Variants in DGKQ observed in about 807,000 individuals in gnomAD.
DGKQ encodes DAG kinase theta.
A neutral mutation model predicts 104.2 loss-of-function variants in DGKQ; 97 were observed. The ratio of observed to expected loss-of-function variants is 0.93; its 90% CI spans 0.79 to 1.10. The LOEUF is 1.10. Among genes scored for constraint, DGKQ ranks in the 50% least tolerant of loss-of-function variants. The probability of loss-of-function intolerance (pLI) is 0.00; values close to 1 mark genes in which losing one functional copy is unlikely to be tolerated. For missense variants in DGKQ, 1,465 were observed against 1,352.1 expected (o/e 1.08, Z -1.31); for synonymous variants, 736 against 595.2 (o/e 1.24, Z -3.44).
chr4:959,650 CA>C lies in DGKQ; in HGVS notation c.*969del, dbSNP rs1445585293. The C allele has an allele frequency of 6.6e-6, 1 of 152,442 alleles. No individual in the cohort carries two copies. Among genetic ancestry groups the C allele is most frequent in the Non-Finnish European group, 1.5e-5 (1 of 68,174 alleles). 9.4% of individuals were successfully genotyped at this position (152,442 alleles called of 1,614,324 possible). A position where few individuals can be genotyped will look rare whatever the true frequency, so the allele number is the denominator to read the frequency against. ...GCTCACACAGGCACTGGGAACTGCA[CA>C]TCAACAGCGGGCAAGCAGCGTGGAA... On this transcript the variant is annotated 3_prime_UTR_variant, in exon 23 of 23. Transcript: ENST00000273814.
In DGKQ at chr4:971,078, G is replaced by A; in HGVS notation, c.272-6C>T. On this transcript the variant is annotated splice_polypyrimidine_tract_variant and splice_region_variant and intron_variant, in intron 1 of 22. Coordinates refer to ENST00000273814, the MANE Select transcript of DGKQ (RefSeq NM_001347.4). The surrounding 1 kb of genome is among the most constrained non-coding windows in gnomAD (Gnocchi z 4.0). ...ATGAGACATGAAATTGCAGACTGTG[G>A]GAATGAGCACTGTGTGAGTTGGCCC... 1 of 1,555,208 alleles carries A rather than the reference G, an allele frequency of 6.4e-7. No homozygotes were observed. The highest frequency in any genetic ancestry group is 1.2e-5 in the South Asian group (1 of 84,322).
At position 963,147 on chromosome 4, in the gene DGKQ, AGG is replaced by A. The variant is rs1712018100; in HGVS notation, c.1876_1877del (p.Pro626SerfsTer55). 1 of 1,596,932 alleles carries A rather than the reference AGG, an allele frequency of 6.3e-7. No individual in the cohort carries two copies. Among genetic ancestry groups the A allele is most frequent in the Non-Finnish European group, 8.6e-7 (1 of 1,167,448 alleles). The part of the protein sequence containing the change: ...HQVFDLTNGG[P>X]LPGLHLFSQV... ...GGTCCTGCTGGACTCACCCGGGAAG[AGG>A]ACCTCCGTTGGTCAGGTCGAAGACC... On this transcript the variant is annotated frameshift_variant, in exon 16 of 23. Transcript: ENST00000273814. LOFTEE classifies it high-confidence loss of function.
chr4:962,757 C>A lies in DGKQ; in HGVS notation c.2035+15G>T. ...GACCCTGAGGCCCCCTCCTCGGCTG[C>A]ACGGCTGAGCCCACCTGTGCCCAGG... On this transcript the variant is annotated intron_variant, in intron 17 of 22. Coordinates refer to ENST00000273814, the MANE Select transcript of DGKQ (RefSeq NM_001347.4). 1 of 1,601,900 alleles carries A rather than the reference C, an allele frequency of 6.2e-7. No homozygotes were observed. The highest frequency in any genetic ancestry group is 8.5e-7 in the Non-Finnish European group (1 of 1,175,034).
Position 971,772 on chromosome 4 carries a change from C to T in DGKQ, c.272-700G>A, listed in dbSNP as rs1036141793. Among the ~76,000 whole-genome samples the T allele has an allele frequency of 2.0e-5, 3 of 152,062 alleles. No homozygotes were observed. The highest frequency in any genetic ancestry group is 6.5e-5 in the Admixed American group (1 of 15,284). On this transcript the variant is annotated intron_variant, in intron 1 of 22. Coordinates refer to ENST00000273814, the MANE Select transcript of DGKQ (RefSeq NM_001347.4). This position sits in a 1 kb window ranked among gnomAD's most constrained non-coding sequence, Gnocchi z 4.0. ...GAACCCTGGGCTGGGGCAAAGGCTG[C>T]GGGGGCTGGGAGTGGGCAGGGCACC...
Position 973,551 on chromosome 4 carries a change from C to G in DGKQ, c.-69G>C, listed in dbSNP as rs113075206. 0.44 allele frequency: 428,544 copies of G among 973,320 alleles called. 97,691 individuals are homozygous for G. The highest frequency in any genetic ancestry group is 0.48 in the Admixed American group (7,793 of 16,088). 60.3% of individuals were successfully genotyped at this position (973,320 alleles called of 1,614,324 possible). A position where few individuals can be genotyped will look rare whatever the true frequency, so the allele number is the denominator to read the frequency against. On this transcript the variant is annotated 5_prime_UTR_variant, in exon 1 of 23. Transcript: ENST00000273814. ...GTACAGGAGCCGCCGCTCCACGGCCCGGTACACTGCTTCCGACTGCGCCTG... is the reference window on the plus strand; with the variant it reads ...GTACAGGAGCCGCCGCTCCACGGCCGGGTACACTGCTTCCGACTGCGCCTG...
At position 973,566 on chromosome 4, in the gene DGKQ, G is replaced by C; in HGVS notation, c.-84C>G. ...CTCCACGGCCCGGTACACTGCTTCC[G>C]ACTGCGCCTGCCCCACTGCGCAGGC... is the stretch of plus-strand genomic sequence containing the variant. On this transcript the variant is annotated 5_prime_UTR_variant, in exon 1 of 23. Coordinates refer to ENST00000273814, the MANE Select transcript of DGKQ (RefSeq NM_001347.4). 2.0e-6 allele frequency: 2 copies of C among 977,964 alleles called. No homozygotes were observed. The highest frequency in any genetic ancestry group is 1.2e-6 in the Non-Finnish European group (1 of 823,664). 60.6% of individuals were successfully genotyped at this position (977,964 alleles called of 1,614,324 possible). A position where few individuals can be genotyped will look rare whatever the true frequency, so the allele number is the denominator to read the frequency against.
intron 11 of DGKQ, 60 bp from the exon 12 acceptor site, chr4:966,587 T>C (rs1712364359): frequency 6.4e-7 from 1 of 1,569,830 alleles, no homozygotes. Context: ...TGGAAGCAGC[T>C]GCCCGGAGCC....
rs1182161094 is a variant in DGKQ at position 971,536 on chromosome 4, C to T, written c.272-464G>A. ...ACGTGCTGTGCACCGTGCCTGAGAC[C>T]GAGAGCCACCCAAGGCAGGTGAGGG... is the stretch of plus-strand genomic sequence containing the variant. On this transcript the variant is annotated intron_variant, in intron 1 of 22. Coordinates refer to ENST00000273814, the MANE Select transcript of DGKQ (RefSeq NM_001347.4). The surrounding 1 kb of genome is among the most constrained non-coding windows in gnomAD (Gnocchi z 4.0). 1.3e-4 allele frequency among the ~76,000 whole-genome samples: 20 copies of T among 152,148 alleles called. No homozygotes were observed. The highest frequency in any genetic ancestry group is 1.5e-5 in the Non-Finnish European group (1 of 68,020).
In DGKQ at chr4:960,714, A is replaced by G; in HGVS notation, c.2735T>C (p.Met912Thr). 2 of 1,611,846 alleles carry G rather than the reference A, an allele frequency of 1.2e-6. No homozygotes were observed. Among genetic ancestry groups the G allele is most frequent in the Non-Finnish European group, 1.7e-6 (2 of 1,179,618 alleles). ...IISAAGPKVH[M>T]LRKAKQKPRR... ...CGGCTTCTGCTTGGCCTTCCTCAGC[A>G]TGTGCACCTGTCCCAGGGCAGGGGA... is the stretch of plus-strand genomic sequence containing the variant. Residue 912 changes from methionine to threonine, a missense_variant, in exon 23 of 23, where the codon ATG becomes ACG. Coordinates refer to ENST00000273814, the MANE Select transcript of DGKQ (RefSeq NM_001347.4).
At position 962,102 on chromosome 4, in the gene DGKQ, C is replaced by T. The variant is rs893864866; in HGVS notation, c.2215-20G>A. The T allele has an allele frequency of 8.7e-6, 14 of 1,600,858 alleles. 1 individual carries two copies. Among genetic ancestry groups the T allele is most frequent in the African/African-American group, 1.3e-5 (1 of 74,794 alleles). ...CACGATCTGGGGACAGGGCGTTCAT[C>T]TCCCAGGACCCGGCCGCCCTCACCA... On this transcript the variant is annotated intron_variant, in intron 18 of 22. Coordinates refer to ENST00000273814, the MANE Select transcript of DGKQ (RefSeq NM_001347.4).
At position 961,055 on chromosome 4, in the gene DGKQ, G is replaced by A. The variant is rs768148689; in HGVS notation, c.2721C>T (p.Gly907=). The A allele has an allele frequency of 1.9e-6, 3 of 1,612,126 alleles. No homozygotes were observed. Among genetic ancestry groups the A allele is most frequent in the East Asian group, 2.2e-5 (1 of 44,838 alleles). The change falls in exon 22 of 23, where the codon GGC becomes GGT. Residue 907 remains glycine, a synonymous_variant. Transcript: ENST00000273814. The part of the protein sequence containing the change: ...APGHMIISAA[G]PKVHMLRKAK... ...CCAGCCTCACCCCACATACCTTAGG[G>A]CCAGCAGCTGAGATGATCATGTGCC...
rs764871779 is a variant in DGKQ at position 963,120 on chromosome 4, G to A, written c.1886+19C>T. The A allele has an allele frequency of 6.3e-7, 1 of 1,584,608 alleles. No individual in the cohort carries two copies. Among genetic ancestry groups the A allele is most frequent in the South Asian group, 1.1e-5 (1 of 89,224 alleles). On this transcript the variant is annotated intron_variant, in intron 16 of 22. Coordinates refer to ENST00000273814, the MANE Select transcript of DGKQ (RefSeq NM_001347.4). ...CCGCCCCTGCTGCTGCCCTGGACCA[G>A]GGGTCCTGCTGGACTCACCCGGGAA...
rs971676597 is a variant in DGKQ at position 973,349 on chromosome 4, G to T, written c.134C>A (p.Pro45His). 1 of 1,297,272 alleles carries T rather than the reference G, an allele frequency of 7.7e-7. No homozygotes were observed. The highest frequency in any genetic ancestry group is 9.8e-7 in the Non-Finnish European group (1 of 1,016,846). 80.4% of individuals were successfully genotyped at this position (1,297,272 alleles called of 1,614,324 possible). ...CGGGGCTCTGACGCCCGCCCGCTCG[G>T]GTCCCGGCCCCGGCCCCGGCCCCGG... ...ARPGPGPGPG[P>H]ERAGVRAPGP... Residue 45 changes from proline to histidine, a missense_variant, in exon 1 of 23, where the codon CCC (proline) becomes CAC (histidine). Transcript: ENST00000273814.
chr4:967,536 G>A lies in DGKQ; in HGVS notation c.987+13C>T. On this transcript the variant is annotated intron_variant, in intron 8 of 22. Transcript: ENST00000273814. ...TGGGAGGGGGCTCAGACCTCCCCCA[G>A]CCTCCCCCTTACCAGCACCTCCTCG... 3 of 1,610,188 alleles carry A rather than the reference G, an allele frequency of 1.9e-6. No homozygotes were observed. Among genetic ancestry groups the A allele is most frequent in the Non-Finnish European group, 2.5e-6 (3 of 1,178,220 alleles).
intron 1 of DGKQ, 60 bp downstream of exon 1, chr4:973,152 T>TC: frequency 7.0e-7 from 1 of 1,418,896 alleles, no homozygotes; most frequent in South Asian, 1.4e-5. Context: ...CCGCTCAGGC[T>TC]CCCGCCCACG....
In DGKQ at chr4:962,096, G is replaced by A. The variant is rs758794505; in HGVS notation, c.2215-14C>T. The A allele has an allele frequency of 1.9e-5, 30 of 1,605,462 alleles. No homozygotes were observed. Among genetic ancestry groups the A allele is most frequent in the Non-Finnish European group, 2.2e-5 (26 of 1,177,068 alleles). ...CATCTGCACGATCTGGGGACAGGGC[G>A]TTCATCTCCCAGGACCCGGCCGCCC... is the stretch of plus-strand genomic sequence containing the variant. On this transcript the variant is annotated splice_polypyrimidine_tract_variant and intron_variant, in intron 18 of 22. Transcript: ENST00000273814.
chr4:972,677 G>T (rs774142242), intron 1 of DGKQ, among the ~76,000 whole-genome samples: 1 of 151,660 alleles, frequency 6.6e-6, no homozygotes, highest in Non-Finnish European at 1.5e-5. Context: ...TGCCGCGGGG[G>T]AAGATGAGAG....
chr4:962,999 C>A, intron 16 of DGKQ, 79 bp from the exon 17 acceptor site: 1 of 1,525,924 alleles, frequency 6.6e-7, no homozygotes. Flanking sequence ...TCCAAGTGCC[C>A]GTCCTGGCCG....
Position 968,040 on chromosome 4 carries a change from G to T in DGKQ, c.664-13C>A. The T allele has an allele frequency of 3.5e-6, 5 of 1,419,752 alleles. No individual in the cohort carries two copies. Among genetic ancestry groups the T allele is most frequent in the Non-Finnish European group, 4.6e-6 (5 of 1,095,846 alleles). 87.9% of individuals were successfully genotyped at this position (1,419,752 alleles called of 1,614,324 possible). On this transcript the variant is annotated splice_polypyrimidine_tract_variant and intron_variant, in intron 5 of 22. Coordinates refer to ENST00000273814, the MANE Select transcript of DGKQ (RefSeq NM_001347.4). ...AGAGGGAGTGCGCCTGGGGGGAGAA[G>T]GGCCTGAGCTGGGGGGTTGGAGCCA...
Sources: gnomAD v4.1 joint callset for allele counts (sites outside exome capture counted in the v4.1 genomes callset) on GRCh38, gnomAD v4.1.1 for gene constraint, Gnocchi (gnomAD v3.1) non-coding constraint, MANE v1.5 for transcripts, NCBI Gene and HGNC (gene_info 2026-07-23, HGNC 2026-07-21) for gene names.